WWC2: variants seen among roughly 807,000 people sequenced by gnomAD.
WWC2 encodes the protein WW and C2 domain containing 2.
A neutral mutation model predicts 138.5 loss-of-function variants in WWC2; 101 were observed. The observed-to-expected ratio is 0.73, with a 90% CI of 0.62 to 0.86. The LOEUF (loss-of-function observed/expected upper bound fraction) is 0.86, where lower values mean the gene tolerates loss of function less well. Among genes scored for constraint, WWC2 ranks in the 40% least tolerant of loss-of-function variants. The pLI is 0.00. For missense variants in WWC2, 1,420 were observed against 1,419.4 expected (o/e 1.00, Z -0.01); for synonymous variants, 558 against 538.4 (o/e 1.04, Z -0.50).
intron 1 of WWC2, among the ~76,000 whole-genome samples, chr4:183,131,500 G>T (rs1732923309): frequency 6.6e-6 from 1 of 151,874 alleles, no homozygotes; most frequent in Admixed American, 6.6e-5. Flanking sequence ...TCCTAGATGG[G>T]GTTTTTGTTT....
intron 15 of WWC2, chr4:183,269,763 A>G (rs1304046728): frequency 4.2e-6 from 1 of 235,824 alleles, no homozygotes; most frequent in Non-Finnish European, 8.7e-6. Flanking sequence ...CCACCACAGT[A>G]TTGGAGCTTT....
At chr4:183,165,301 A>C (rs748961204) in intron 1 of WWC2, among the ~76,000 whole-genome samples, 57 of 152,072 alleles carry the variant, frequency 3.7e-4, no homozygotes, top group Non-Finnish European at 2.4e-4. Flanking sequence ...TGGAAAGCTG[A>C]GTTGGGAAGC....
chr4:183,156,616 G>A (rs563803405), intron 1 of WWC2, among the ~76,000 whole-genome samples: 59 of 152,290 alleles, frequency 3.9e-4, no homozygotes, highest in Non-Finnish European at 6.9e-4. Context: ...ACAGGTGTGA[G>A]CCACCACGCC....
At chr4:183,133,785 A>G (rs188158684) in intron 1 of WWC2, among the ~76,000 whole-genome samples, 400 of 152,250 alleles carry the variant, frequency 2.6e-3, no homozygotes, top group Non-Finnish European at 4.7e-3. Flanking sequence ...GTGAGCCACC[A>G]TGCCCCGCCT....
intron 5 of WWC2, 95 bp downstream of exon 5, chr4:183,240,357 TAAAG>T (rs1736577902): frequency 7.6e-6 from 7 of 923,714 alleles, no homozygotes; most frequent in Non-Finnish European, 9.2e-6. Flanking sequence ...AGCGATTTCT[TAAAG>T]AAACGTAAAG....
intron 21 of WWC2, among the ~76,000 whole-genome samples, chr4:183,305,630 A>C (rs746715465): frequency 3.9e-5 from 6 of 152,232 alleles, no homozygotes; most frequent in Non-Finnish European, 5.9e-5. Flanking sequence ...TTAAGAGGAA[A>C]AAGAAACCAA....
At chr4:183,245,281 G>T in intron 5 of WWC2, 135 bp from the exon 6 acceptor site, 8 of 395,376 alleles carry the variant, frequency 2.0e-5, no homozygotes, top group Non-Finnish European at 2.8e-5. Context: ...TGCCTGAAAA[G>T]ATGATTGCTG....
At chr4:183,100,438 C>T (rs1395611903) in intron 1 of WWC2, among the ~76,000 whole-genome samples, 1 of 152,086 alleles carries the variant, frequency 6.6e-6, no homozygotes, top group Non-Finnish European at 1.5e-5. Flanking sequence ...CTTAAAATTT[C>T]TTAGAATTAT....
intron 2 of WWC2, among the ~76,000 whole-genome samples, chr4:183,204,822 G>A (rs1735400470): frequency 6.6e-6 from 1 of 152,098 alleles, no homozygotes; most frequent in Non-Finnish European, 1.5e-5. Flanking sequence ...CATTGGATTG[G>A]CTTTACTTTT....
intron 10 of WWC2, 89 bp from the exon 11 acceptor site, chr4:183,260,821 C>A: frequency 6.7e-7 from 1 of 1,489,706 alleles, no homozygotes; most frequent in South Asian, 1.3e-5. Flanking sequence ...AGGTTTCTTC[C>A]CTCTGCAGAT....
intron 1 of WWC2, among the ~76,000 whole-genome samples, chr4:183,104,721 A>C (rs983066109): frequency 6.6e-6 from 1 of 152,198 alleles, no homozygotes; most frequent in African/African-American, 2.4e-5. Context: ...CTGTCTTCCA[A>C]AAATTCCAAA....
At chr4:183,240,148 C>A in intron 4 of WWC2, 35 bp from the exon 5 acceptor site, 1 of 1,439,192 alleles carries the variant, frequency 6.9e-7, no homozygotes. Context: ...TAATTATCTG[C>A]AAACATTAAT....
intron 1 of WWC2, among the ~76,000 whole-genome samples, chr4:183,155,550 A>C (rs1733781888): frequency 1.3e-5 from 2 of 152,084 alleles, no homozygotes; most frequent in African/African-American, 4.8e-5. Context: ...GAGTGACTGG[A>C]GGGAGGAGAC....
chr4:183,227,422 G>A (rs1736105541), intron 4 of WWC2, among the ~76,000 whole-genome samples: 1 of 152,008 alleles, frequency 6.6e-6, no homozygotes. Context: ...AATCACAGAT[G>A]TACAGAGAAC....
chr4:183,174,367 A>G lies in WWC2; in HGVS notation c.132-19232A>G, dbSNP rs1247544569. Among the ~76,000 whole-genome samples, 6 of 152,198 alleles carry G rather than the reference A, an allele frequency of 3.9e-5. 1 individual carries two copies. The highest frequency in any genetic ancestry group is 8.8e-5 in the Non-Finnish European group (6 of 68,026). On this transcript the variant is annotated intron_variant, in intron 1 of 22. Transcript: ENST00000403733. ...GGTGCTGGAATTCCTGAGCCGTTTCAGGCTTTTGCAGTATGAATGGATCTG... is the reference window on the plus strand; with the variant it reads ...GGTGCTGGAATTCCTGAGCCGTTTCGGGCTTTTGCAGTATGAATGGATCTG...
intron 4 of WWC2, among the ~76,000 whole-genome samples, chr4:183,214,783 A>C (rs1441468418): frequency 7.1e-6 from 1 of 140,570 alleles, no homozygotes; most frequent in Non-Finnish European, 1.5e-5. Context: ...ACTCCGTCTC[A>C]AAAAAAAAAA....
At chr4:183,247,788 A>T (rs1736847737) in intron 6 of WWC2, among the ~76,000 whole-genome samples, 1 of 137,346 alleles carries the variant, frequency 7.3e-6, no homozygotes, top group African/African-American at 2.7e-5. Flanking sequence ...TATATATATT[A>T]TATATATAGT....
intron 1 of WWC2, among the ~76,000 whole-genome samples, chr4:183,139,734 C>A (rs936543734): frequency 9.2e-5 from 14 of 152,202 alleles, no homozygotes; most frequent in Non-Finnish European, 1.9e-4. Flanking sequence ...CACACATATG[C>A]ATTCACCCGT....
rs752862709 is a variant in WWC2, at chr4:183,319,819, G to A, written c.*4090G>A. ...TGGGCAACCCAAGAGACGGGAACCAGGGCTGTGACTCCCGAGGCCCAGGAC... is the reference window on the plus strand; with the variant it reads ...TGGGCAACCCAAGAGACGGGAACCAAGGCTGTGACTCCCGAGGCCCAGGAC... On this transcript the variant is annotated 3_prime_UTR_variant, in exon 23 of 23. Coordinates refer to ENST00000403733, the MANE Select transcript of WWC2 (RefSeq NM_024949.6). 2.5e-6 allele frequency: 4 copies of A among 1,613,860 alleles called. No individual in the cohort carries two copies. The highest frequency in any genetic ancestry group is 8.5e-7 in the Non-Finnish European group (1 of 1,179,912).
Sources: allele counts gnomAD v4.1 joint callset (sites outside exome capture counted in the v4.1 genomes callset), GRCh38; gene constraint gnomAD v4.1.1; transcripts MANE v1.5; gene names NCBI Gene and HGNC (gene_info 2026-07-23, HGNC 2026-07-21).